AHR: variants seen among roughly 807,000 people sequenced by gnomAD.
AHR encodes aryl hydrocarbon receptor.
Under a neutral mutation model 86.8 loss-of-function variants are expected in AHR, and 40 were observed. The ratio of observed to expected loss-of-function variants is 0.46; its 90% CI spans 0.36 to 0.60. The LOEUF (loss-of-function observed/expected upper bound fraction) is 0.60, where lower values mean the gene tolerates loss of function less well. Ranked by LOEUF, AHR falls within the 20% of genes least tolerant of loss-of-function variation. The probability of loss-of-function intolerance (pLI) is 0.00; values close to 1 mark genes in which losing one functional copy is unlikely to be tolerated. For synonymous variants in AHR, 398 were observed against 354.9 expected (o/e 1.12, Z -1.37); for missense variants, 1,001 against 1,011.6 (o/e 0.99, Z 0.14).
rs1367258800 is a variant in AHR at position 17,336,207 on chromosome 7, A to T, written c.1160+421A>T. 3 of 155,310 alleles carry T rather than the reference A, an allele frequency of 1.9e-5. No homozygotes were observed. In the Admixed American group the frequency reaches 2.0e-4, roughly 10 times the overall value. 9.6% of individuals were successfully genotyped at this position (155,310 alleles called of 1,614,324 possible). A position where few individuals can be genotyped will look rare whatever the true frequency, so the allele number is the denominator to read the frequency against. On this transcript the variant is annotated intron_variant, in intron 9 of 10. Transcript: ENST00000242057. ...TGTTTCCTCCCACTCTGGAGAATTGATTTTTGTCTGTAGCTTGAGGTAAGG... is the reference window on the plus strand; with the variant it reads ...TGTTTCCTCCCACTCTGGAGAATTGTTTTTTGTCTGTAGCTTGAGGTAAGG...
intron 3 of AHR, among the ~76,000 whole-genome samples, chr7:17,325,192 T>G (rs1194880597): frequency 6.6e-6 from 1 of 152,220 alleles, no homozygotes; most frequent in Non-Finnish European, 1.5e-5. Flanking sequence ...ACCTTGGGTC[T>G]CCTGGTACTT....
In AHR at chr7:17,333,894, T is replaced by C. The variant is rs1213113527; in HGVS notation, c.706-18T>C. The C allele has an allele frequency of 6.2e-7, 1 of 1,603,138 alleles. No individual in the cohort carries two copies. The highest frequency in any genetic ancestry group is 8.5e-7 in the Non-Finnish European group (1 of 1,171,450). The stretch of plus-strand genomic sequence containing the variant: ...TGTTAATTTTAATGAACTTTTTTGT[T>C]GTTGTTGCTTTTTTAAGGCAATGAA... On this transcript the variant is annotated intron_variant, in intron 6 of 10. Coordinates refer to ENST00000242057, the MANE Select transcript of AHR (RefSeq NM_001621.5).
intron 3 of AHR, among the ~76,000 whole-genome samples, chr7:17,324,378 C>T (rs963382036): frequency 6.6e-6 from 1 of 152,122 alleles, no homozygotes; most frequent in Non-Finnish European, 1.5e-5. Context: ...TTGCAACCGA[C>T]GGTTATCAGC....
At chr7:17,301,905 G>A (rs1781958589) in intron 1 of AHR, among the ~76,000 whole-genome samples, 1 of 151,734 alleles carries the variant, frequency 6.6e-6, no homozygotes, top group African/African-American at 2.4e-5. Flanking sequence ...TTTCATTATA[G>A]AATCTACTAT....
chr7:17,342,905 C>T lies in AHR; in HGVS notation c.2404-16C>T. 6.2e-7 allele frequency: 1 copy of T among 1,609,828 alleles called. No homozygotes were observed. The highest frequency in any genetic ancestry group is 1.1e-5 in the South Asian group (1 of 90,308). ...AGATCTATTCCAATAAGTTGCATCACCATTTTTGTTTTCAGTTTCAGAATG... is the reference window on the plus strand; with the variant it reads ...AGATCTATTCCAATAAGTTGCATCATCATTTTTGTTTTCAGTTTCAGAATG... On this transcript the variant is annotated splice_polypyrimidine_tract_variant and intron_variant, in intron 10 of 10. Coordinates refer to ENST00000242057, the MANE Select transcript of AHR (RefSeq NM_001621.5).
At chr7:17,315,036 C>T (rs1459366859) in intron 2 of AHR, among the ~76,000 whole-genome samples, 1 of 151,974 alleles carries the variant, frequency 6.6e-6, no homozygotes, top group African/African-American at 2.4e-5. Context: ...CATTTTAAAA[C>T]ATGAAACTCT....
At chr7:17,305,015 C>T (rs1298759136) in intron 1 of AHR, among the ~76,000 whole-genome samples, 1 of 152,028 alleles carries the variant, frequency 6.6e-6, no homozygotes, top group Non-Finnish European at 1.5e-5. Flanking sequence ...CTGATCTTCC[C>T]TGCTAATGTC....
chr7:17,328,319 T>C (rs1486588632), intron 4 of AHR, among the ~76,000 whole-genome samples: 1 of 151,912 alleles, frequency 6.6e-6, no homozygotes, highest in Non-Finnish European at 1.5e-5. Context: ...AACAGGTGGG[T>C]GGTCAAGAAA....
chr7:17,343,627 A>T lies in AHR; in HGVS notation c.*563A>T, dbSNP rs936550833. The T allele has an allele frequency of 6.5e-6, 1 of 153,024 alleles. No individual in the cohort carries two copies. Among genetic ancestry groups the T allele is most frequent in the African/African-American group, 2.4e-5 (1 of 41,410 alleles). The allele number at this position is 153,024 out of a possible 1,614,324, so 9.5% of individuals were successfully genotyped here. A position where few individuals can be genotyped will look rare whatever the true frequency, so the allele number is the denominator to read the frequency against. ...ATCTAAGTGCCTCACATTTTTTTCT[A>T]CCTATAACACTCTAGGATGTATATT... is the stretch of plus-strand genomic sequence containing the variant. On this transcript the variant is annotated 3_prime_UTR_variant, in exon 11 of 11. Transcript: ENST00000242057.
At chr7:17,313,056 T>G (rs1782081927) in intron 2 of AHR, among the ~76,000 whole-genome samples, 2 of 152,306 alleles carry the variant, frequency 1.3e-5, no homozygotes, top group Non-Finnish European at 2.9e-5. Flanking sequence ...TATAGTGGTG[T>G]ACATTCAGCC....
At chr7:17,331,475 A>C (rs1782288184) in intron 6 of AHR, among the ~76,000 whole-genome samples, 1 of 151,976 alleles carries the variant, frequency 6.6e-6, no homozygotes, top group Non-Finnish European at 1.5e-5. Flanking sequence ...AATTGAGTGA[A>C]ATAACACGAA....
rs541647909 is a variant in AHR, at chr7:17,301,673, C to G, written c.65+2344C>G. Among the ~76,000 whole-genome samples the G allele has an allele frequency of 9.2e-5, 14 of 151,664 alleles. No individual in the cohort carries two copies. In the South Asian group the frequency reaches 2.7e-3, roughly 29 times the overall value. ...GTTGAATTTATTAAGAAAAATCAACCCCCCCTAGTGGCGGCTCTCACATTG... is the reference window on the plus strand; with the variant it reads ...GTTGAATTTATTAAGAAAAATCAACGCCCCCTAGTGGCGGCTCTCACATTG... On this transcript the variant is annotated intron_variant, in intron 1 of 10. Transcript: ENST00000242057.
At chr7:17,329,191 G>A (rs1411957108) in intron 4 of AHR, among the ~76,000 whole-genome samples, 1 of 151,842 alleles carries the variant, frequency 6.6e-6, no homozygotes, top group Non-Finnish European at 1.5e-5. Flanking sequence ...TGGGTATGCA[G>A]TCGAGACAGT....
chr7:17,331,275 C>A (rs538456743), intron 6 of AHR, among the ~76,000 whole-genome samples: 47 of 152,004 alleles, frequency 3.1e-4, no homozygotes, highest in Non-Finnish European at 6.0e-4. Flanking sequence ...GAGGCATCTT[C>A]AGCCCAAATT....
At chr7:17,330,201 C>G in intron 5 of AHR, 126 bp downstream of exon 5, 1 of 904,640 alleles carries the variant, frequency 1.1e-6, no homozygotes, top group Non-Finnish European at 1.6e-6. Flanking sequence ...GTAAAGTCTG[C>G]AATCATAGGC....
intron 1 of AHR, among the ~76,000 whole-genome samples, chr7:17,305,586 A>T (rs900165381): frequency 3.3e-5 from 5 of 152,134 alleles, no homozygotes; most frequent in African/African-American, 1.2e-4. Flanking sequence ...AGTTATGGGT[A>T]AGTAGACCAA....
In AHR at chr7:17,335,795, AAAT is replaced by A; in HGVS notation, c.1160+13_1160+15del. 2 of 1,607,318 alleles carry A rather than the reference AAAT, an allele frequency of 1.2e-6. No individual in the cohort carries two copies. The highest frequency in any genetic ancestry group is 1.1e-5 in the South Asian group (1 of 89,278). On this transcript the variant is annotated intron_variant, in intron 9 of 10. Transcript: ENST00000242057. The stretch of plus-strand genomic sequence containing the variant: ...ACTCAGAGACCACTAACGTAAGCAC[AAAT>A]AATGTTTCCTGTTTTAACAGTTTTG...
chr7:17,334,302 T>G (rs2115366563), intron 7 of AHR, among the ~76,000 whole-genome samples, 188 bp downstream of exon 7: 1 of 152,176 alleles, frequency 6.6e-6, no homozygotes, highest in South Asian at 2.1e-4. Context: ...TCTTTTTAAT[T>G]TTTGCAATAC....
chr7:17,331,004 C>T (rs1012037843), intron 6 of AHR, 118 bp downstream of exon 6: 6 of 1,126,738 alleles, frequency 5.3e-6, no homozygotes, highest in Non-Finnish European at 7.4e-6. Flanking sequence ...AGGCAACCCT[C>T]AGAACCAGAG....
Sources: gnomAD v4.1 joint callset for allele counts (sites outside exome capture counted in the v4.1 genomes callset) on GRCh38, gnomAD v4.1.1 for gene constraint, MANE v1.5 for transcripts, NCBI Gene and HGNC (gene_info 2026-07-23, HGNC 2026-07-21) for gene names.